Variants in TANC2 observed in about 807,000 individuals in gnomAD.
TANC2 encodes the protein tetratricopeptide repeat, ankyrin repeat and coiled-coil containing 2.
In TANC2, 26 loss-of-function variants were observed where a neutral mutation model predicts 210.5. That is an observed-to-expected ratio of 0.12 (90% CI 0.09 to 0.17). The LOEUF is 0.17. TANC2 is among the 10% of genes least tolerant of loss of function. The pLI, the probability that TANC2 is intolerant of heterozygous loss-of-function variation, is 1.00. For synonymous variants in TANC2, 931 were observed against 967.1 expected, an observed-to-expected ratio of 0.96 and a Z score of 0.69; for missense variants, 2,129 against 2,608.9, an observed-to-expected ratio of 0.82 and a Z score of 4.01.
chr17:63,091,178 G>C (rs1278400243), intron 3 of TANC2, among the ~76,000 whole-genome samples: 2 of 145,002 alleles, frequency 1.4e-5, no homozygotes, highest in Non-Finnish European at 3.0e-5. Context: ...CACTCTGATA[G>C]TGGTTTCTTT....
rs368782089 is a variant in TANC2, at chr17:63,320,893, G to A, written c.1575+1803G>A. Among the ~76,000 whole-genome samples, 41 of 151,956 alleles carry A rather than the reference G, an allele frequency of 2.7e-4. No homozygotes were observed. The East Asian group carries it at 5.6e-3, about 21-fold the overall frequency. On this transcript the variant is annotated intron_variant, in intron 11 of 27. Coordinates refer to ENST00000689528, the Ensembl canonical transcript of TANC2. ...CCTCTATTTTCTCTTTCTACAACTC[G>A]TATTAATAAAAAATTAGATTTCTGG...
chr17:63,250,717 T>A (rs2043034418), intron 8 of TANC2, among the ~76,000 whole-genome samples: 1 of 152,178 alleles, frequency 6.6e-6, no homozygotes, highest in Non-Finnish European at 1.5e-5. Context: ...TTCAAAGCAC[T>A]TAAGTATCAT....
chr17:63,077,349 A>G (rs2036607332), intron 3 of TANC2, among the ~76,000 whole-genome samples: 1 of 152,220 alleles, frequency 6.6e-6, no homozygotes, highest in South Asian at 2.1e-4. Context: ...CTTTCTAAGG[A>G]ATCTGTTGGA....
At chr17:62,987,699 G>A (rs2032641379) in intron 1 of TANC2, among the ~76,000 whole-genome samples, 1 of 152,108 alleles carries the variant, frequency 6.6e-6, no homozygotes, top group African/African-American at 2.4e-5. Flanking sequence ...CAGTCACAAC[G>A]GGTGCATCTT....
At chr17:63,181,867 G>A (rs1009768280) in intron 5 of TANC2, among the ~76,000 whole-genome samples, 1 of 152,104 alleles carries the variant, frequency 6.6e-6, no homozygotes, top group African/African-American at 2.4e-5. Flanking sequence ...CATCACTCCT[G>A]TTCTCATCTA....
In TANC2 at chr17:63,146,358, C is replaced by T. The variant is rs140589930; in HGVS notation, c.323-4912C>T. ...TGTCTTCTGCAAACAGATAATTTTACTTCTTTCTACTTTGGATGCCTTGTA... is the reference window on the plus strand; with the variant it reads ...TGTCTTCTGCAAACAGATAATTTTATTTCTTTCTACTTTGGATGCCTTGTA... On this transcript the variant is annotated intron_variant, in intron 4 of 27. Coordinates refer to ENST00000689528, the Ensembl canonical transcript of TANC2. Among the ~76,000 whole-genome samples the T allele has an allele frequency of 1.1e-3, 163 of 152,106 alleles. 1 individual carries two copies. The highest frequency in any genetic ancestry group is 3.9e-3 in the African/African-American group (163 of 41,532).
In TANC2 at chr17:63,023,541, A is replaced by G. The variant is rs144557971; in HGVS notation, c.67+13915A>G. On this transcript the variant is annotated intron_variant, in intron 2 of 27. Transcript: ENST00000689528. ...GATTATTCTGGAGTTGTAAGATTCA[A>G]TGTCTGCTTTGTTCAGTTTGGGACT... Among the ~76,000 whole-genome samples the G allele has an allele frequency of 1.4e-4, 21 of 152,256 alleles. No homozygotes were observed. The East Asian group carries it at 2.7e-3, about 20-fold the overall frequency.
rs994638935 is a variant in TANC2, at chr17:63,330,299, C to G, written c.1576-9802C>G. Among the ~76,000 whole-genome samples the G allele has an allele frequency of 3.3e-5, 5 of 152,298 alleles. No individual in the cohort carries two copies. In the East Asian group the frequency reaches 9.6e-4, roughly 29 times the overall value. On this transcript the variant is annotated intron_variant, in intron 11 of 27. Transcript: ENST00000689528. ...CATAAAAGTGCAAGGTGAAGCAGTACGTGCTGATACACGAGCTGTAGCAAG... is the reference window on the plus strand; with the variant it reads ...CATAAAAGTGCAAGGTGAAGCAGTAGGTGCTGATACACGAGCTGTAGCAAG...
At chr17:62,999,207 C>A (rs1356137611) in intron 1 of TANC2, among the ~76,000 whole-genome samples, 1 of 152,118 alleles carries the variant, frequency 6.6e-6, no homozygotes, top group East Asian at 1.9e-4. Context: ...CTCCCCCCAA[C>A]ACACACTGTC....
At chr17:62,977,743 A>C (rs1431834132) in intron 1 of TANC2, among the ~76,000 whole-genome samples, 1 of 151,616 alleles carries the variant, frequency 6.6e-6, no homozygotes, top group Non-Finnish European at 1.5e-5. Flanking sequence ...AAATAAACAA[A>C]CTCTAGGAGT....
chr17:63,341,110 A>G (rs1012199232), intron 12 of TANC2, among the ~76,000 whole-genome samples: 1 of 152,238 alleles, frequency 6.6e-6, no homozygotes, highest in Non-Finnish European at 1.5e-5. Flanking sequence ...AATCCTGTTT[A>G]TTCCTGAGAG....
intron 4 of TANC2, chr17:63,117,050 T>C (rs1173503686): frequency 6.6e-6 from 1 of 152,166 alleles, no homozygotes; most frequent in Non-Finnish European, 1.5e-5. Flanking sequence ...AGCTTACAGC[T>C]TTTTAATATA....
chr17:63,008,820 G>T (rs1192559429), intron 1 of TANC2, among the ~76,000 whole-genome samples: 5 of 120,830 alleles, frequency 4.1e-5, no homozygotes, highest in African/African-American at 1.2e-4. Context: ...TGTAGGTGCT[G>T]TAAGTTTCTA....
rs746751671 is a variant in TANC2, at chr17:63,099,199, G to A, written c.164G>A (p.Cys55Tyr). 2.5e-6 allele frequency: 4 copies of A among 1,608,500 alleles called. No homozygotes were observed. The East Asian group carries it at 6.7e-5, about 27-fold the overall frequency. The change falls in exon 4 of 28, where the codon TGT becomes TAT. Residue 55 changes from cysteine to tyrosine, a missense_variant. This residue lies in a region of TANC2 where 739 missense variants were observed against 848.0 expected (regional missense o/e 0.87). Coordinates refer to ENST00000689528, the Ensembl canonical transcript of TANC2. The stretch of plus-strand genomic sequence containing the variant: ...GGTGGCATCTCCACAGAAAGCGACT[G>A]TGCTTTTGAGCCAGACTACGCTGTC...
chr17:63,084,869 T>C (rs978416876), intron 3 of TANC2, among the ~76,000 whole-genome samples: 2 of 152,154 alleles, frequency 1.3e-5, no homozygotes, highest in African/African-American at 4.8e-5. Flanking sequence ...CTTTTGAGTT[T>C]GTTAAGGTGT....
intron 2 of TANC2, among the ~76,000 whole-genome samples, chr17:63,070,269 T>A (rs1427461089): frequency 6.6e-6 from 1 of 152,190 alleles, no homozygotes; most frequent in Non-Finnish European, 1.5e-5. Context: ...TTTAGTCACC[T>A]CGCAAGAGCC....
At chr17:63,160,054 G>A (rs2039972836) in intron 5 of TANC2, among the ~76,000 whole-genome samples, 1 of 152,250 alleles carries the variant, frequency 6.6e-6, no homozygotes. Flanking sequence ...TGTCAGGAGA[G>A]GGAGGGAGAA....
intron 19 of TANC2, among the ~76,000 whole-genome samples, chr17:63,404,408 G>GT (rs1567990285): frequency 6.6e-6 from 1 of 152,252 alleles, no homozygotes; most frequent in South Asian, 2.1e-4. Flanking sequence ...GAATGTTTCT[G>GT]TTTTTTTCCT....
At chr17:63,009,063 A>G (rs2033751100) in intron 1 of TANC2, among the ~76,000 whole-genome samples, 1 of 152,156 alleles carries the variant, frequency 6.6e-6, no homozygotes, top group African/African-American at 2.4e-5. Flanking sequence ...TTTTTATCAT[A>G]TAGTTACAGT....
Sources: gnomAD v4.1 joint callset for allele counts (sites outside exome capture counted in the v4.1 genomes callset) on GRCh38, gnomAD v4.1.1 for gene constraint, gnomAD v4.1.1 regional missense constraint, MANE v1.5 for transcripts, NCBI Gene and HGNC (gene_info 2026-07-23, HGNC 2026-07-21) for gene names.